Variants in KALRN observed in about 807,000 individuals in gnomAD.
KALRN encodes kalirin.
KALRN carries 70 observed loss-of-function variants against 353.7 expected under a neutral mutation model. That is an observed-to-expected ratio of 0.20 (90% CI 0.16 to 0.24). The LOEUF is 0.24. Among genes scored for constraint, KALRN ranks in the 10% least tolerant of loss-of-function variants. The probability of loss-of-function intolerance (pLI) is 1.00; values close to 1 mark genes in which losing one functional copy is unlikely to be tolerated. For synonymous variants in KALRN, 1,391 were observed against 1,434.8 expected, an observed-to-expected ratio of 0.97 and a Z score of 0.69; for missense variants, 2,791 against 3,756.7, an observed-to-expected ratio of 0.74 and a Z score of 6.72.
intron 1 of KALRN, among the ~76,000 whole-genome samples, chr3:124,129,617 G>A (rs1456155192): frequency 1.3e-5 from 2 of 152,178 alleles, no homozygotes; most frequent in African/African-American, 2.4e-5. Context: ...ATGATGGGTG[G>A]AGGTTGGATA....
intron 9 of KALRN, among the ~76,000 whole-genome samples, chr3:124,335,452 A>G (rs560581720): frequency 2.0e-5 from 3 of 152,158 alleles, no homozygotes; most frequent in Non-Finnish European, 4.4e-5. Flanking sequence ...CAAAAGGACA[A>G]TCTTGCTACA....
At chr3:124,409,696 A>C (rs2091960973) in intron 13 of KALRN, among the ~76,000 whole-genome samples, 1 of 152,232 alleles carries the variant, frequency 6.6e-6, no homozygotes, top group African/African-American at 2.4e-5. Context: ...TTTGAAAACA[A>C]CTATTTTTCT....
chr3:124,222,674 T>C (rs1453275287), intron 1 of KALRN, among the ~76,000 whole-genome samples: 1 of 152,148 alleles, frequency 6.6e-6, no homozygotes, highest in Non-Finnish European at 1.5e-5. Context: ...TGATCACAGC[T>C]CACTGCAGCC....
intron 11 of KALRN, among the ~76,000 whole-genome samples, chr3:124,385,953 A>G (rs2088220484): frequency 6.6e-6 from 1 of 151,796 alleles, no homozygotes; most frequent in African/African-American, 2.4e-5. Flanking sequence ...ATTGCTGCTC[A>G]GGAAAAAAAA....
At chr3:124,551,380 A>G (rs984485750) in intron 33 of KALRN, among the ~76,000 whole-genome samples, 3 of 152,224 alleles carry the variant, frequency 2.0e-5, no homozygotes, top group Non-Finnish European at 4.4e-5. Context: ...TGACATGAAG[A>G]TGCTTTAAGA....
intron 1 of KALRN, among the ~76,000 whole-genome samples, chr3:124,039,494 G>A (rs1423417547): frequency 6.6e-6 from 1 of 152,158 alleles, no homozygotes; most frequent in Non-Finnish European, 1.5e-5. Context: ...AATCAAACAT[G>A]GCAAAATATA....
At chr3:124,394,858 G>A (rs988375073) in intron 11 of KALRN, among the ~76,000 whole-genome samples, 1 of 152,074 alleles carries the variant, frequency 6.6e-6, no homozygotes, top group Non-Finnish European at 1.5e-5. Flanking sequence ...TGATCTCCTT[G>A]CTCTAAGATC....
intron 25 of KALRN, among the ~76,000 whole-genome samples, chr3:124,471,099 G>A (rs1444219033): frequency 6.6e-6 from 1 of 152,012 alleles, no homozygotes; most frequent in African/African-American, 2.4e-5. Context: ...AAGAGGGTCA[G>A]ATACATGTTT....
chr3:124,104,656 A>G (rs1036267752), intron 1 of KALRN, among the ~76,000 whole-genome samples: 6 of 152,220 alleles, frequency 3.9e-5, no homozygotes, highest in Non-Finnish European at 7.3e-5. Context: ...CCAGTAGACT[A>G]AGTACTACTG....
chr3:124,152,137 A>T, intron 1 of KALRN: 1 of 1,324,894 alleles, frequency 7.5e-7, no homozygotes, highest in Admixed American at 1.7e-5. Flanking sequence ...CATGAATCAG[A>T]TCCTTCCTGC....
chr3:124,280,067 A>G (rs1170292107), intron 5 of KALRN, among the ~76,000 whole-genome samples: 2 of 152,228 alleles, frequency 1.3e-5, no homozygotes, highest in Admixed American at 6.5e-5. Flanking sequence ...TCAGAAGTCC[A>G]TGGAATAACC....
At chr3:124,132,076 A>G (rs2065360071) in intron 1 of KALRN, among the ~76,000 whole-genome samples, 1 of 152,204 alleles carries the variant, frequency 6.6e-6, no homozygotes, top group African/African-American at 2.4e-5. Flanking sequence ...CTTTAAGAAG[A>G]CAACTCAGCT....
intron 1 of KALRN, among the ~76,000 whole-genome samples, chr3:124,159,174 C>T (rs1388110776): frequency 6.6e-6 from 1 of 152,232 alleles, no homozygotes; most frequent in Non-Finnish European, 1.5e-5. Context: ...GCTCACCTCC[C>T]TCCATCTGCT....
chr3:124,034,949 C>T (rs1283433514), intron 1 of KALRN, among the ~76,000 whole-genome samples: 1 of 152,096 alleles, frequency 6.6e-6, no homozygotes, highest in African/African-American at 2.4e-5. Context: ...AACCCTGTTA[C>T]CTTGCCCTGG....
In KALRN at chr3:124,396,432, A is replaced by G. The variant is rs1040070064; in HGVS notation, c.2171+1089A>G. On this transcript the variant is annotated intron_variant, in intron 12 of 59. Transcript: ENST00000682506. Reference sequence around the variant, plus strand: ...GACAGCCTCTTTTCCTTCTTCCCCTAATTATCTTCATGAATATATAATACA... The same window carrying G: ...GACAGCCTCTTTTCCTTCTTCCCCTGATTATCTTCATGAATATATAATACA... 9.9e-5 allele frequency among the ~76,000 whole-genome samples: 15 copies of G among 152,258 alleles called. No individual in the cohort carries two copies. The East Asian group carries it at 2.5e-3, about 25-fold the overall frequency.
At chr3:124,286,082 C>CCTTCCTTTCTTT (rs1553893895) in intron 5 of KALRN, among the ~76,000 whole-genome samples, 1,203 of 102,220 alleles carry the variant, frequency 0.012, 13 homozygotes, top group Middle Eastern at 0.037. Context: ...TTCTTTCCTT[C>CCTTCCTTTCTTT]CTTTCTTTCT....
intron 1 of KALRN, among the ~76,000 whole-genome samples, chr3:124,169,681 T>C (rs925851944): frequency 6.6e-6 from 1 of 152,120 alleles, no homozygotes; most frequent in African/African-American, 2.4e-5. Flanking sequence ...TTCTATTAGT[T>C]CAATTTCCTG....
chr3:124,373,383 C>T (rs1390648308), intron 10 of KALRN, among the ~76,000 whole-genome samples: 1 of 152,134 alleles, frequency 6.6e-6, no homozygotes, highest in Non-Finnish European at 1.5e-5. Context: ...TGGGTAGATT[C>T]CAGGGATGCT....
intron 1 of KALRN, among the ~76,000 whole-genome samples, chr3:124,071,097 G>A (rs1432642431): frequency 1.3e-5 from 2 of 152,152 alleles, no homozygotes; most frequent in Non-Finnish European, 2.9e-5. Context: ...TGATCAGGAA[G>A]GGGAGGGAGG....
Sources: allele counts gnomAD v4.1 joint callset (sites outside exome capture counted in the v4.1 genomes callset), GRCh38; gene constraint gnomAD v4.1.1; transcripts MANE v1.5; gene names NCBI Gene and HGNC (gene_info 2026-07-23, HGNC 2026-07-21).